The following NBEA variants were observed in gnomAD, a reference collection of about 807,000 sequenced individuals.
NBEA encodes the protein lysosomal-trafficking regulator 2.
Under a neutral mutation model 343.4 loss-of-function variants are expected in NBEA, and 44 were observed. The observed-to-expected ratio is 0.13, with a 90% confidence interval of 0.10 to 0.16. The LOEUF is 0.16. Ranked by LOEUF, NBEA falls within the 10% of genes least tolerant of loss-of-function variation. NBEA has a pLI of 1.00. For synonymous variants in NBEA, 1,175 were observed against 1,238.7 expected (o/e 0.95, Z 1.08); for missense variants, 2,555 against 3,631.3 (o/e 0.70, Z 7.62).
chr13:35,258,407 G>A (rs898449557), intron 34 of NBEA, among the ~76,000 whole-genome samples: 8 of 151,646 alleles, frequency 5.3e-5, no homozygotes, highest in Non-Finnish European at 5.9e-5. Context: ...CTCATGATCC[G>A]CCTGCCTCAG....
At chr13:35,341,540 CAATAAT>C (rs2039583849) in intron 36 of NBEA, among the ~76,000 whole-genome samples, 1 of 151,854 alleles carries the variant, frequency 6.6e-6, no homozygotes, top group Non-Finnish European at 1.5e-5. Context: ...CCTTACAACT[CAATAAT>C]AATAAGACAA....
chr13:35,255,123 A>C (rs930817851), intron 34 of NBEA, among the ~76,000 whole-genome samples: 6 of 152,232 alleles, frequency 3.9e-5, no homozygotes, highest in African/African-American at 1.2e-4. Flanking sequence ...GCTATCAGGG[A>C]TAAAAGGTAT....
intron 10 of NBEA, among the ~76,000 whole-genome samples, chr13:35,082,927 A>G (rs1028456623): frequency 6.6e-6 from 1 of 152,050 alleles, no homozygotes; most frequent in Non-Finnish European, 1.5e-5. Context: ...GTTTAATTAG[A>G]TCCCATTTGT....
rs368616722 is a variant in NBEA at position 35,088,750 on chromosome 13, C to T, written c.1572-9547C>T. ...AACAGAACAGAGCCCTCAGAAATAACGCTGCATATCTACAACTATCTGATC... is the reference window on the plus strand; with the variant it reads ...AACAGAACAGAGCCCTCAGAAATAATGCTGCATATCTACAACTATCTGATC... On this transcript the variant is annotated intron_variant, in intron 10 of 58. Coordinates refer to ENST00000379939, the MANE Select transcript of NBEA (RefSeq NM_001385012.1). 5.2e-4 allele frequency among the ~76,000 whole-genome samples: 78 copies of T among 151,028 alleles called. No individual in the cohort carries two copies. In the East Asian group the frequency reaches 8.6e-3, roughly 17 times the overall value.
Position 35,159,589 on chromosome 13 carries a change from C to T in NBEA, c.3418C>T (p.Pro1140Ser). 1.9e-6 allele frequency: 3 copies of T among 1,612,022 alleles called. No homozygotes were observed. Among genetic ancestry groups the T allele is most frequent in the Non-Finnish European group, 2.5e-6 (3 of 1,179,168 alleles). The change falls in exon 22 of 59, where the codon CCC (proline) becomes TCC (serine). Residue 1140 changes from proline (P) to serine (S), a missense_variant. By Grantham distance (74) the Pro-to-Ser change is moderately conservative. Transcript: ENST00000379939. ...ATTAGCAGATGAGAAAGAAGACCTT[C>T]CCAATAGTAGTACATCATTTCTCTT... ...ITLADEKEDL[P>S]NSSTSFLFDK...
chr13:35,334,903 G>A (rs577977159), intron 36 of NBEA, among the ~76,000 whole-genome samples: 5 of 152,144 alleles, frequency 3.3e-5, no homozygotes, highest in Non-Finnish European at 7.4e-5. Context: ...CTGTGCTTTT[G>A]GGGTAGTGCT....
chr13:35,507,366 A>G (rs2077110255), intron 41 of NBEA, among the ~76,000 whole-genome samples: 1 of 151,820 alleles, frequency 6.6e-6, no homozygotes, highest in East Asian at 1.9e-4. Flanking sequence ...AATATCCTCC[A>G]TATACTGAAA....
At position 35,159,750 on chromosome 13, in the gene NBEA, C is replaced by T. The variant is rs201108774; in HGVS notation, c.3579C>T (p.Ser1193=). ...DLGLLAHMTG[S]VDLTCTSSII... ...GATTGCTTGCTCACATGACCGGTAGCGTAGACTTAACTTGTACATCCAGTA... is the reference window on the plus strand; with the variant it reads ...GATTGCTTGCTCACATGACCGGTAGTGTAGACTTAACTTGTACATCCAGTA... The change falls in exon 22 of 59, where the codon AGC becomes AGT. Residue 1193 remains serine, a synonymous_variant. Transcript: ENST00000379939. The T allele has an allele frequency of 8.7e-5, 141 of 1,613,096 alleles. 1 individual carries two copies. The South Asian group carries it at 1.0e-3, about 12-fold the overall frequency.
At chr13:35,655,435 C>G in intron 54 of NBEA, 144 bp from the exon 55 acceptor site, 1 of 815,294 alleles carries the variant, frequency 1.2e-6, no homozygotes, top group Non-Finnish European at 1.8e-6. Context: ...GTAACTTTGT[C>G]AGCCCATAGA....
At chr13:35,017,118 G>A (rs1593475690) in intron 1 of NBEA, among the ~76,000 whole-genome samples, 1 of 152,040 alleles carries the variant, frequency 6.6e-6, no homozygotes, top group African/African-American at 2.4e-5. Context: ...TGCCGCAGTG[G>A]GAAGGGAGCA....
At chr13:35,083,759 TA>T (rs2064560995) in intron 10 of NBEA, among the ~76,000 whole-genome samples, 1 of 152,120 alleles carries the variant, frequency 6.6e-6, no homozygotes, top group African/African-American at 2.4e-5. Flanking sequence ...TACATAACAA[TA>T]TTAACCTTAA....
chr13:35,291,110 T>G (rs2035776930), intron 35 of NBEA, among the ~76,000 whole-genome samples: 1 of 151,922 alleles, frequency 6.6e-6, no homozygotes, highest in Admixed American at 6.6e-5. Flanking sequence ...TCTCACCAGC[T>G]CTGTCAAGTC....
At chr13:35,184,113 T>C in intron 30 of NBEA, 42 bp downstream of exon 30, 3 of 1,393,344 alleles carry the variant, frequency 2.2e-6, no homozygotes, top group Non-Finnish European at 3.0e-6. Flanking sequence ...GGTATTCTTA[T>C]TTCATGAATT....
chr13:35,299,839 A>G (rs986518715), intron 35 of NBEA, among the ~76,000 whole-genome samples: 5 of 152,334 alleles, frequency 3.3e-5, no homozygotes, highest in East Asian at 3.9e-4. Flanking sequence ...AAATGACAGT[A>G]AATTATTCTT....
intron 58 of NBEA, among the ~76,000 whole-genome samples, chr13:35,670,601 G>T (rs1175529203): frequency 6.6e-6 from 1 of 152,244 alleles, no homozygotes; most frequent in Admixed American, 6.5e-5. Context: ...ACAGGCACGT[G>T]TGTGATTGCT....
At chr13:34,988,396 C>CA (rs1018873210) in intron 1 of NBEA, among the ~76,000 whole-genome samples, 1 of 151,210 alleles carries the variant, frequency 6.6e-6, no homozygotes, top group African/African-American at 2.4e-5. Context: ...GCCCTGCCCC[C>CA]AGAGGTGGAG....
chr13:35,172,386 C>T (rs971327448), intron 26 of NBEA, among the ~76,000 whole-genome samples: 8 of 151,948 alleles, frequency 5.3e-5, no homozygotes, highest in East Asian at 1.9e-4. Flanking sequence ...GGTTAACTGA[C>T]GGTGGGCCAT....
At chr13:35,340,249 C>A (rs574324235) in intron 36 of NBEA, among the ~76,000 whole-genome samples, 6 of 152,156 alleles carry the variant, frequency 3.9e-5, no homozygotes, top group African/African-American at 1.2e-4. Flanking sequence ...ACAAGTGAAG[C>A]ATAAACAGAG....
chr13:35,351,557 TTG>T (rs2040201786), intron 37 of NBEA, among the ~76,000 whole-genome samples: 1 of 151,962 alleles, frequency 6.6e-6, no homozygotes, highest in African/African-American at 2.4e-5. Flanking sequence ...ATGAAACCCT[TTG>T]AACACATTAC....
Sources: allele counts gnomAD v4.1 joint callset (sites outside exome capture counted in the v4.1 genomes callset), GRCh38; gene constraint gnomAD v4.1.1; transcripts MANE v1.5; gene names NCBI Gene and HGNC (gene_info 2026-07-23, HGNC 2026-07-21).